The following FILIP1 variants were observed in gnomAD, a reference collection of about 807,000 sequenced individuals.
FILIP1 encodes the protein filamin-A-interacting protein 1.
In FILIP1, 61 loss-of-function variants were observed where a neutral mutation model predicts 102.1. That is an observed-to-expected ratio of 0.60 (90% CI 0.49 to 0.74). FILIP1 has a LOEUF of 0.74. FILIP1 is among the 30% of genes least tolerant of loss of function. FILIP1 has a pLI of 0.00. For synonymous variants in FILIP1, 491 were observed against 526.9 expected (o/e 0.93, Z 0.93); for missense variants, 1,314 against 1,441.2 (o/e 0.91, Z 1.43).
chr6:75,447,928 G>C (rs989571544), intron 1 of FILIP1, among the ~76,000 whole-genome samples: 5 of 151,886 alleles, frequency 3.3e-5, no homozygotes, highest in East Asian at 3.9e-4. Context: ...ATAGAAGAAA[G>C]GGAATTTCTT....
At chr6:75,301,682 A>T (rs1200823418) in intron 6 of FILIP1, among the ~76,000 whole-genome samples, 2 of 152,248 alleles carry the variant, frequency 1.3e-5, no homozygotes, top group Non-Finnish European at 2.9e-5. Context: ...GAAGCATATT[A>T]TATTATGACT....
chr6:75,353,509 G>T, intron 4 of FILIP1, 30 bp downstream of exon 4: 1 of 1,612,356 alleles, frequency 6.2e-7, no homozygotes, highest in South Asian at 1.1e-5. Context: ...TGGGCATCCA[G>T]ATGTGACTGG....
At chr6:75,366,038 A>G (rs1035416554) in intron 2 of FILIP1, 1 of 152,236 alleles carries the variant, frequency 6.6e-6, no homozygotes, top group Non-Finnish European at 1.5e-5. Context: ...TTCTTTCAGA[A>G]TTATTTCAAA....
At chr6:75,317,393 GAAGTA>G (rs1318248856) in intron 4 of FILIP1, among the ~76,000 whole-genome samples, 1 of 152,156 alleles carries the variant, frequency 6.6e-6, no homozygotes, top group African/African-American at 2.4e-5. Context: ...TGAAATAGTA[GAAGTA>G]AAGTGACAGA....
intron 1 of FILIP1, among the ~76,000 whole-genome samples, chr6:75,483,335 G>A (rs564896333): frequency 2.6e-4 from 40 of 152,126 alleles, no homozygotes; most frequent in Non-Finnish European, 5.3e-4. Context: ...GTTGTTGCTG[G>A]TATTGTGAGA....
chr6:75,338,696 C>G (rs1326530379), intron 4 of FILIP1, among the ~76,000 whole-genome samples: 1 of 152,154 alleles, frequency 6.6e-6, no homozygotes, highest in East Asian at 1.9e-4. Context: ...ATTGTGATGA[C>G]AAATGTCTGC....
chr6:75,359,265 C>T (rs112524947), intron 3 of FILIP1, among the ~76,000 whole-genome samples: 1,663 of 152,236 alleles, frequency 0.011, 37 homozygotes, highest in African/African-American at 0.038. Flanking sequence ...CTCAGCCTCC[C>T]AAAGTGCTGG....
At chr6:75,442,017 G>A (rs1237792999) in intron 1 of FILIP1, among the ~76,000 whole-genome samples, 63 of 151,624 alleles carry the variant, frequency 4.2e-4, no homozygotes, top group Admixed American at 4.1e-3. Context: ...GCTGGGCGGA[G>A]GGGCTCCTCA....
chr6:75,353,760 T>C (rs1774893685), intron 3 of FILIP1, 43 bp from the exon 4 acceptor site: 1 of 1,590,972 alleles, frequency 6.3e-7, no homozygotes, highest in Admixed American at 1.7e-5. Flanking sequence ...TTTTATTGCA[T>C]TTGCATAGGA....
At chr6:75,480,162 T>C (rs1239865306) in intron 1 of FILIP1, among the ~76,000 whole-genome samples, 4 of 151,962 alleles carry the variant, frequency 2.6e-5, no homozygotes, top group Non-Finnish European at 4.4e-5. Context: ...TTAGTGTAAG[T>C]TGTAACAGAA....
At chr6:75,391,591 G>C (rs1776281923) in intron 2 of FILIP1, among the ~76,000 whole-genome samples, 1 of 152,028 alleles carries the variant, frequency 6.6e-6, no homozygotes, top group Non-Finnish European at 1.5e-5. Context: ...GAAGTAAACT[G>C]ACTGTGCTTC....
intron 4 of FILIP1, among the ~76,000 whole-genome samples, chr6:75,342,776 C>A (rs908572053): frequency 1.3e-4 from 20 of 152,324 alleles, no homozygotes; most frequent in African/African-American, 3.6e-4. Context: ...ATGCTCTTGA[C>A]CAGCCCTGCC....
chr6:75,338,460 A>G (rs192081496), intron 4 of FILIP1, among the ~76,000 whole-genome samples: 2 of 152,356 alleles, frequency 1.3e-5, no homozygotes, highest in East Asian at 3.9e-4. Flanking sequence ...AGCAACCTCC[A>G]AACATTGAAA....
At chr6:75,403,524 A>AAAAAAAAAAAAAAAAAG (rs55907855) in intron 2 of FILIP1, among the ~76,000 whole-genome samples, 54 of 134,692 alleles carry the variant, frequency 4.0e-4, no homozygotes, top group South Asian at 1.1e-3. Flanking sequence ...CAAAAAAAAA[A>AAAAAAAAAAAAAAAAAG]AAAAAAGAAA....
intron 1 of FILIP1, among the ~76,000 whole-genome samples, chr6:75,441,606 G>A (rs1378248645): frequency 4.0e-5 from 6 of 149,850 alleles, no homozygotes; most frequent in African/African-American, 7.5e-5. Flanking sequence ...GGCCGGGCAG[G>A]GGGCTGACCC....
chr6:75,375,796 C>T (rs931925061), intron 2 of FILIP1, among the ~76,000 whole-genome samples: 3 of 152,156 alleles, frequency 2.0e-5, no homozygotes, highest in African/African-American at 7.2e-5. Context: ...GTTTTCTGAT[C>T]TATTCATTTT....
chr6:75,415,781 A>C (rs1440839368), intron 1 of FILIP1, among the ~76,000 whole-genome samples: 1 of 152,150 alleles, frequency 6.6e-6, no homozygotes, highest in Non-Finnish European at 1.5e-5. Flanking sequence ...AAAATAAGGA[A>C]AAAAGACAAA....
At position 75,411,248 on chromosome 6, in the gene FILIP1, G is replaced by A. The variant is rs149288630; in HGVS notation, c.276+3449C>T. ...TGAAAAATGTCTGTTCATATCTTTT[G>A]CCCACTTTTTGATGGGGTTGTTTTT... is the stretch of plus-strand genomic sequence containing the variant. On this transcript the variant is annotated intron_variant, in intron 2 of 5. Transcript: ENST00000237172. Among the ~76,000 whole-genome samples, 495 of 152,224 alleles carry A rather than the reference G, an allele frequency of 3.3e-3. 1 individual carries two copies. The highest frequency in any genetic ancestry group is 0.011 in the African/African-American group (476 of 41,564).
chr6:75,484,264 C>A (rs1470211832), intron 1 of FILIP1, among the ~76,000 whole-genome samples: 1 of 152,102 alleles, frequency 6.6e-6, no homozygotes, highest in African/African-American at 2.4e-5. Context: ...TACCCACTAC[C>A]AAGGGTTGAA....
Sources: allele counts gnomAD v4.1 joint callset (sites outside exome capture counted in the v4.1 genomes callset), GRCh38; gene constraint gnomAD v4.1.1; transcripts MANE v1.5; gene names NCBI Gene and HGNC (gene_info 2026-07-23, HGNC 2026-07-21).